The following PIN4 variants were observed in gnomAD, a reference collection of about 807,000 sequenced individuals.
PIN4 encodes peptidylprolyl cis/trans isomerase, NIMA-interacting 4, also known as peptidyl-prolyl cis-trans isomerase NIMA-interacting 4.
Under a neutral mutation model 8.3 loss-of-function variants are expected in PIN4, and 3 were observed. The observed-to-expected ratio is 0.36, with a 90% CI of 0.16 to 0.93. PIN4 has a LOEUF of 0.93. PIN4 is among the 40% of genes least tolerant of loss of function. PIN4 has a pLI of 0.44. For missense variants in PIN4, 75 were observed against 100.6 expected (o/e 0.75, Z 1.09); for synonymous variants, 18 against 32.5 (o/e 0.55, Z 1.52).
At chrX:72,228,411 C>A (rs772300071) in intron 3 of PIN4, among the ~76,000 whole-genome samples, 14 of 112,004 alleles carry the variant, frequency 1.2e-4, no homozygotes, top group African/African-American at 3.9e-4. Context: ...TTTCATTATA[C>A]TTCTCTCAAG....
At chrX:72,258,407 C>T (rs758909700) in intron 3 of PIN4, among the ~76,000 whole-genome samples, 6 of 112,421 alleles carry the variant, frequency 5.3e-5, no homozygotes, top group African/African-American at 6.5e-5. Flanking sequence ...GGGCTCCCCC[C>T]ACAGCCACAC....
intron 3 of PIN4, among the ~76,000 whole-genome samples, chrX:72,215,351 A>G (rs1222868775): frequency 8.9e-6 from 1 of 111,895 alleles, no homozygotes; most frequent in Non-Finnish European, 1.9e-5. Context: ...TGTACACTTA[A>G]GATTTGTGCA....
At chrX:72,235,483 C>T (rs1313544672) in intron 3 of PIN4, among the ~76,000 whole-genome samples, 1 of 107,588 alleles carries the variant, frequency 9.3e-6, no homozygotes, top group Admixed American at 1.0e-4. Flanking sequence ...GCAACCTCCA[C>T]CTCCTGGGTT....
chrX:72,232,782 C>A (rs988412873), intron 3 of PIN4, among the ~76,000 whole-genome samples: 3 of 111,522 alleles, frequency 2.7e-5, no homozygotes, highest in African/African-American at 6.5e-5. Flanking sequence ...TGTACTCCAG[C>A]TTGGGCAACA....
At chrX:72,222,832 G>A (rs983286077) in intron 3 of PIN4, among the ~76,000 whole-genome samples, 18 of 106,215 alleles carry the variant, frequency 1.7e-4, no homozygotes, top group African/African-American at 4.4e-4. Context: ...TCCTGACCTC[G>A]TGATCCACCC....
At chrX:72,202,194 CT>C (rs751391299), downstream of PIN4, among the ~76,000 whole-genome samples, 2 of 112,545 alleles carry the variant, frequency 1.8e-5, no homozygotes, top group African/African-American at 3.2e-5. Flanking sequence ...AAAGATAAAA[CT>C]TTTTTTCCTA....
chrX:72,205,133 CTT>C (rs746044837), intron 3 of PIN4: 14 of 1,211,552 alleles, frequency 1.2e-5, no homozygotes, highest in African/African-American at 1.7e-5. Context: ...TTTCCACACT[CTT>C]TTAGTTCTTT....
At chrX:72,210,834 C>A (rs187890795) in intron 3 of PIN4, among the ~76,000 whole-genome samples, 3 of 111,735 alleles carry the variant, frequency 2.7e-5, no homozygotes, top group African/African-American at 9.7e-5. Context: ...TGGGTTAAAC[C>A]GCTGCTGTGA....
chrX:72,224,929 G>A (rs1345786637), intron 3 of PIN4, among the ~76,000 whole-genome samples: 1 of 110,876 alleles, frequency 9.0e-6, no homozygotes, highest in African/African-American at 3.3e-5. Flanking sequence ...AGGGACTCAA[G>A]CCCATCATCT....
intron 3 of PIN4, among the ~76,000 whole-genome samples, chrX:72,251,250 C>A (rs1452301009): frequency 9.5e-6 from 1 of 105,016 alleles, no homozygotes; most frequent in Non-Finnish European, 1.9e-5. Context: ...GTAGTCCCAG[C>A]TACTCGGGAG....
chrX:72,219,704 G>A (rs1569491004), intron 3 of PIN4, among the ~76,000 whole-genome samples: 1 of 104,028 alleles, frequency 9.6e-6, no homozygotes, highest in African/African-American at 3.5e-5. Context: ...AAAAAAATTA[G>A]CGGGCGTGGT....
intron 3 of PIN4, 138 bp downstream of exon 3, chrX:72,197,042 A>G (rs1274756425): frequency 2.3e-5 from 14 of 595,770 alleles, no homozygotes; most frequent in Non-Finnish European, 3.5e-5. Flanking sequence ...TTGTTCAACC[A>G]TTGGTTGTAG....
At position 72,186,525 on chromosome X, in the gene PIN4, T is replaced by C. The variant is rs761204353; in HGVS notation, c.108T>C (p.Asn36=). 8 of 1,180,973 alleles carry C rather than the reference T, an allele frequency of 6.8e-6. No individual in the cohort carries two copies. Among genetic ancestry groups the C allele is most frequent in the Non-Finnish European group, 9.2e-6 (8 of 868,756 alleles). ...KKAQGPKGGG[N]AVKVRHILCE... is the part of the protein sequence containing the mutation. ...CTCAAGGTCCCAAAGGTGGTGGCAATGCAGTAAAGGTGAGTTACTGGTTCC... is the reference window on the plus strand; with the variant it reads ...CTCAAGGTCCCAAAGGTGGTGGCAACGCAGTAAAGGTGAGTTACTGGTTCC... Residue 36 remains asparagine, a synonymous_variant, in exon 2 of 4, where the codon AAT becomes AAC. Coordinates refer to ENST00000373669, the MANE Select transcript of PIN4 (RefSeq NM_006223.4).
At chrX:72,205,703 T>C (rs1226969333) in intron 3 of PIN4, 1 of 1,210,517 alleles carries the variant, frequency 8.3e-7, no homozygotes, top group African/African-American at 1.7e-5. Flanking sequence ...CTTCTAGCTT[T>C]ACTTCTGATT....
chrX:72,190,100 C>G (rs940837149), intron 2 of PIN4, among the ~76,000 whole-genome samples: 2 of 110,994 alleles, frequency 1.8e-5, no homozygotes, highest in Non-Finnish European at 3.8e-5. Flanking sequence ...CCCAAGCCCT[C>G]AAGCCCACCC....
At chrX:72,209,797 C>T (rs1307249522) in intron 3 of PIN4, among the ~76,000 whole-genome samples, 1 of 111,549 alleles carries the variant, frequency 9.0e-6, no homozygotes. Context: ...GCTTAAAATT[C>T]TTCAGTGGTT....
Position 72,236,802 on chromosome X carries a change from A to G in PIN4, c.313-25905A>G, listed in dbSNP as rs754034462. Among the ~76,000 whole-genome samples the G allele has an allele frequency of 3.7e-4, 41 of 112,123 alleles. 1 individual carries two copies. In the Middle Eastern group the frequency reaches 0.014, roughly 38 times the overall value. ...TGATGAGAAAAAAATTGGTTTTGCT[A>G]CGTCATTTCACTTAAAGTCAGTTTC... On this transcript the variant is annotated intron_variant, in intron 3 of 3. Coordinates refer to the PIN4 transcript ENST00000423432.
At chrX:72,230,352 G>A (rs964977410) in intron 3 of PIN4, among the ~76,000 whole-genome samples, 5 of 109,776 alleles carry the variant, frequency 4.6e-5, no homozygotes, top group Non-Finnish European at 7.6e-5. Context: ...CTGGAAAGAT[G>A]TCTGCCCCAA....
rs748099047 is a variant in PIN4, at chrX:72,218,104, A to T, written c.312+21200A>T. On this transcript the variant is annotated intron_variant, in intron 3 of 3. Transcript: ENST00000423432. Reference sequence around the variant, plus strand: ...ACTAACACGGTGAAACCCTGTCTCTACTAAAAATACAAAAAATTAGCTGGG... The same window carrying T: ...ACTAACACGGTGAAACCCTGTCTCTTCTAAAAATACAAAAAATTAGCTGGG... 2.7e-4 allele frequency among the ~76,000 whole-genome samples: 30 copies of T among 109,939 alleles called. No individual in the cohort carries two copies. In the East Asian group the frequency reaches 4.9e-3, roughly 18 times the overall value.
Sources: allele counts gnomAD v4.1 joint callset (sites outside exome capture counted in the v4.1 genomes callset), GRCh38; gene constraint gnomAD v4.1.1; transcripts MANE v1.5; gene names NCBI Gene and HGNC (gene_info 2026-07-23, HGNC 2026-07-21).